The following SH3BGRL2 variants were observed in gnomAD, a reference collection of about 807,000 sequenced individuals.
SH3BGRL2 encodes SH3 domain binding glutamate rich protein like 2.
Under a neutral mutation model 14.8 loss-of-function variants are expected in SH3BGRL2, and 21 were observed. The observed-to-expected ratio is 1.42, with a 90% CI of 1.01 to 2.05. The LOEUF (loss-of-function observed/expected upper bound fraction) is 2.05, where lower values mean the gene tolerates loss of function less well. SH3BGRL2 is among the 30% of genes most tolerant of loss of function. The probability of loss-of-function intolerance (pLI) is 0.00; values close to 1 mark genes in which losing one functional copy is unlikely to be tolerated. For synonymous variants in SH3BGRL2, 50 were observed against 47.8 expected, an observed-to-expected ratio of 1.05 and a Z score of -0.19; for missense variants, 147 against 130.8, an observed-to-expected ratio of 1.12 and a Z score of -0.61.
chr6:79,597,687 A>G, the SH3BGRL2 span, among the ~76,000 whole-genome samples: 1 of 152,214 alleles, frequency 6.6e-6, no homozygotes, highest in South Asian at 2.1e-4. Flanking sequence ...AAAAATCTTC[A>G]TGACTTTGAA....
chr6:79,670,200 C>G (rs558405476), intron 1 of SH3BGRL2, among the ~76,000 whole-genome samples: 1 of 152,172 alleles, frequency 6.6e-6, no homozygotes, highest in Non-Finnish European at 1.5e-5. Flanking sequence ...TTTCCCCCAA[C>G]TGTTTAAAAA....
chr6:79,649,967 A>ACT lies in SH3BGRL2; in HGVS notation c.45+18479_45+18480dup, dbSNP rs67263724. ...TTATTTTTAATGCTAGTTCTTATGT[A>ACT]CTCTCTCTCTCTCTCTCTCACACAC... On this transcript the variant is annotated intron_variant, in intron 1 of 3. Coordinates refer to ENST00000369838, the MANE Select transcript of SH3BGRL2 (RefSeq NM_031469.4). Among the ~76,000 whole-genome samples, 481 of 146,440 alleles carry ACT rather than the reference A, an allele frequency of 3.3e-3. 2 individuals carry two copies. The highest frequency in any genetic ancestry group is 0.013 in the East Asian group (62 of 4,886).
intron 1 of SH3BGRL2, among the ~76,000 whole-genome samples, chr6:79,657,622 A>T (rs1292746151): frequency 2.0e-5 from 3 of 149,032 alleles, no homozygotes; most frequent in African/African-American, 4.9e-5. Context: ...ATTTTTTTTA[A>T]TTTTTTTTTT....
the SH3BGRL2 span, among the ~76,000 whole-genome samples, chr6:79,607,017 A>G: frequency 6.6e-6 from 1 of 152,148 alleles, no homozygotes; most frequent in Admixed American, 6.5e-5. Context: ...TTTTAAAGGG[A>G]TGTTGCTGCT....
chr6:79,616,959 G>A, the SH3BGRL2 span, among the ~76,000 whole-genome samples: 14 of 152,132 alleles, frequency 9.2e-5, no homozygotes, highest in African/African-American at 2.9e-4. Context: ...AGGCCAAGGC[G>A]GGCAGATCAC....
intron 1 of SH3BGRL2, among the ~76,000 whole-genome samples, chr6:79,670,997 G>A (rs952483646): frequency 6.6e-6 from 1 of 152,098 alleles, no homozygotes; most frequent in South Asian, 2.1e-4. Context: ...AGGTGTTTGC[G>A]TAAACATGAT....
Position 79,643,774 on chromosome 6 carries a change from C to T in SH3BGRL2, c.45+12268C>T, listed in dbSNP as rs117432170. On this transcript the variant is annotated intron_variant, in intron 1 of 3. Coordinates refer to ENST00000369838, the MANE Select transcript of SH3BGRL2 (RefSeq NM_031469.4). ...ATAGCCAGATCTGTACCGTCTTCCT[C>T]CTATAGATATGTCCCAGAGGAAGAC... Among the ~76,000 whole-genome samples the T allele has an allele frequency of 1.3e-3, 202 of 152,242 alleles. 1 individual carries two copies. The East Asian group carries it at 0.033, about 25-fold the overall frequency.
intron 1 of SH3BGRL2, among the ~76,000 whole-genome samples, chr6:79,671,003 A>G (rs1286779761): frequency 1.3e-5 from 2 of 152,162 alleles, no homozygotes; most frequent in Admixed American, 6.5e-5. Flanking sequence ...TTGCGTAAAC[A>G]TGATGTTGTA....
At chr6:79,658,734 G>C (rs1010216510) in intron 1 of SH3BGRL2, among the ~76,000 whole-genome samples, 4 of 152,200 alleles carry the variant, frequency 2.6e-5, no homozygotes, top group African/African-American at 9.7e-5. Flanking sequence ...TTCTACAATA[G>C]TTGAAATAAT....
At chr6:79,582,802 C>T in the SH3BGRL2 span, among the ~76,000 whole-genome samples, 12 of 152,064 alleles carry the variant, frequency 7.9e-5, no homozygotes, top group African/African-American at 1.9e-4. Flanking sequence ...AATTAAAGTA[C>T]GGAACTTCTG....
intron 3 of SH3BGRL2, among the ~76,000 whole-genome samples, chr6:79,697,101 A>C (rs1028922334): frequency 3.9e-4 from 60 of 152,284 alleles, no homozygotes; most frequent in African/African-American, 1.4e-3. Context: ...ACTAGAAATG[A>C]TGTGTGTTAT....
chr6:79,608,949 A>T, the SH3BGRL2 span, among the ~76,000 whole-genome samples: 1 of 152,214 alleles, frequency 6.6e-6, no homozygotes. Context: ...TATACTAACA[A>T]TGTGGCAAAA....
At chr6:79,566,874 G>T in the SH3BGRL2 span, among the ~76,000 whole-genome samples, 39 of 150,094 alleles carry the variant, frequency 2.6e-4, no homozygotes, top group South Asian at 7.7e-3. Flanking sequence ...TGTAGCCTGG[G>T]TGACAGAGCA....
chr6:79,649,983 TCTCACA>T (rs924628517), intron 1 of SH3BGRL2, among the ~76,000 whole-genome samples: 51 of 132,238 alleles, frequency 3.9e-4, no homozygotes, highest in African/African-American at 1.3e-3. Flanking sequence ...TCTCTCTCTC[TCTCACA>T]CACACACACA....
At chr6:79,601,007 C>T in the SH3BGRL2 span, among the ~76,000 whole-genome samples, 2 of 151,902 alleles carry the variant, frequency 1.3e-5, no homozygotes, top group African/African-American at 2.4e-5. Flanking sequence ...TCTCTTCTCC[C>T]ACCATCAACT....
At chr6:79,551,050 A>G in the SH3BGRL2 span, among the ~76,000 whole-genome samples, 5 of 152,230 alleles carry the variant, frequency 3.3e-5, no homozygotes, top group Non-Finnish European at 7.3e-5. Context: ...GGAAAGCTAA[A>G]TAAAAGAAAA....
the SH3BGRL2 span, among the ~76,000 whole-genome samples, chr6:79,611,345 C>G: frequency 6.6e-6 from 1 of 151,086 alleles, no homozygotes; most frequent in African/African-American, 2.4e-5. Flanking sequence ...AGGTTTTCCT[C>G]TACAATTTTA....
intron 2 of SH3BGRL2, among the ~76,000 whole-genome samples, chr6:79,692,052 C>G (rs1257219607): frequency 6.6e-6 from 1 of 152,194 alleles, no homozygotes; most frequent in Non-Finnish European, 1.5e-5. Context: ...ACCAGTCTAA[C>G]TGGTGTGAGA....
the SH3BGRL2 span, among the ~76,000 whole-genome samples, chr6:79,537,653 G>C: frequency 6.6e-6 from 1 of 152,210 alleles, no homozygotes. Flanking sequence ...GGGCTGTGCG[G>C]TGCCAGGGCT....
Sources: gnomAD v4.1 joint callset for allele counts (sites outside exome capture counted in the v4.1 genomes callset) on GRCh38, gnomAD v4.1.1 for gene constraint, MANE v1.5 for transcripts, NCBI Gene and HGNC (gene_info 2026-07-23, HGNC 2026-07-21) for gene names.